Variants in TMEM132D observed in about 807,000 individuals in gnomAD.
The protein encoded by TMEM132D is transmembrane protein 132D.
A neutral mutation model predicts 62.3 loss-of-function variants in TMEM132D; 21 were observed. The ratio of observed to expected loss-of-function variants is 0.34; its 90% CI spans 0.24 to 0.49. The LOEUF is 0.49. Ranked by LOEUF, TMEM132D falls within the 20% of genes least tolerant of loss-of-function variation. The pLI is 0.99. For synonymous variants in TMEM132D, 621 were observed against 575.6 expected, an observed-to-expected ratio of 1.08 and a Z score of -1.13; for missense variants, 1,346 against 1,402.8, an observed-to-expected ratio of 0.96 and a Z score of 0.65.
chr12:129,230,281 C>A (rs1487104765), intron 4 of TMEM132D, among the ~76,000 whole-genome samples: 3 of 150,462 alleles, frequency 2.0e-5, no homozygotes, highest in Admixed American at 6.6e-5. Flanking sequence ...CCTAGCCATC[C>A]CCTTCCTAAA....
chr12:129,183,394 G>A (rs1449485240), intron 5 of TMEM132D, among the ~76,000 whole-genome samples: 3 of 152,190 alleles, frequency 2.0e-5, no homozygotes, highest in East Asian at 1.9e-4. Flanking sequence ...GCTCTCTGTG[G>A]CCGAAAGCCA....
intron 3 of TMEM132D, among the ~76,000 whole-genome samples, chr12:129,378,997 C>T (rs1870861225): frequency 6.6e-6 from 1 of 152,028 alleles, no homozygotes; most frequent in Non-Finnish European, 1.5e-5. Flanking sequence ...AGAGAGGCCT[C>T]CTGAGAATAT....
intron 2 of TMEM132D, among the ~76,000 whole-genome samples, chr12:129,683,609 A>G (rs1222254720): frequency 6.6e-6 from 1 of 152,170 alleles, no homozygotes; most frequent in Non-Finnish European, 1.5e-5. Flanking sequence ...CTGGGTGGAC[A>G]TTCCCATGAG....
intron 4 of TMEM132D, among the ~76,000 whole-genome samples, chr12:129,331,527 T>A (rs1240975392): frequency 1.3e-5 from 2 of 152,152 alleles, no homozygotes; most frequent in Non-Finnish European, 1.5e-5. Context: ...GAGAAGCTGG[T>A]CAAGAGACCC....
chr12:129,269,372 C>T (rs77316991), intron 4 of TMEM132D, among the ~76,000 whole-genome samples: 12 of 152,006 alleles, frequency 7.9e-5, no homozygotes, highest in South Asian at 4.2e-4. Context: ...TCCCTTCCTC[C>T]CTTCCCCTTT....
rs1308468932 is a variant in TMEM132D at position 129,356,359 on chromosome 12, G to A, written c.1116-18542C>T. On this transcript the variant is annotated intron_variant, in intron 3 of 8. Coordinates refer to ENST00000422113, the MANE Select transcript of TMEM132D (RefSeq NM_133448.3). ...TTTTTAGTAGAGACGGGGTTTCACC[G>A]TTTTAGCCGGGATGGTCTCGATCTC... Among the ~76,000 whole-genome samples the A allele has an allele frequency of 5.5e-4, 16 of 29,176 alleles. 4 individuals are homozygous for A. Among genetic ancestry groups the A allele is most frequent in the African/African-American group, 2.9e-3 (16 of 5,452 alleles). The allele number at this position is 29,176 out of a possible 152,430, so 19.1% of individuals were successfully genotyped here.
At position 129,460,340 on chromosome 12, in the gene TMEM132D, A is replaced by G. The variant is rs531368877; in HGVS notation, c.1115+70719T>C. Among the ~76,000 whole-genome samples the G allele has an allele frequency of 1.7e-3, 256 of 152,174 alleles. 1 individual carries two copies. Among genetic ancestry groups the G allele is most frequent in the African/African-American group, 5.8e-3 (242 of 41,516 alleles). ...TGCCACACATCTCCTCAATTTCTCC[A>G]CTGATTATTTCCAGGATTGGAGATT... On this transcript the variant is annotated intron_variant, in intron 3 of 8. Transcript: ENST00000422113.
intron 1 of TMEM132D, among the ~76,000 whole-genome samples, chr12:129,715,817 G>A (rs1226289651): frequency 6.6e-6 from 1 of 152,234 alleles, no homozygotes; most frequent in Non-Finnish European, 1.5e-5. Context: ...AGACGCTGGT[G>A]GCATCTTCAA....
chr12:129,554,163 C>A (rs1876985594), intron 2 of TMEM132D, among the ~76,000 whole-genome samples: 1 of 152,192 alleles, frequency 6.6e-6, no homozygotes, highest in Non-Finnish European at 1.5e-5. Context: ...ACGGCTCACA[C>A]TGCATCATCA....
chr12:129,266,281 T>A (rs1880692178), intron 4 of TMEM132D, among the ~76,000 whole-genome samples: 1 of 152,068 alleles, frequency 6.6e-6, no homozygotes, highest in African/African-American at 2.4e-5. Flanking sequence ...CTTGGCTCGC[T>A]CCTCCTCCTG....
chr12:129,774,592 C>G (rs1870859974), intron 1 of TMEM132D, among the ~76,000 whole-genome samples: 2 of 152,170 alleles, frequency 1.3e-5, no homozygotes, highest in African/African-American at 4.8e-5. Flanking sequence ...GGGGTAGAGA[C>G]TCCAAATATA....
At chr12:129,263,680 A>G (rs1566015738) in intron 4 of TMEM132D, among the ~76,000 whole-genome samples, 1 of 152,164 alleles carries the variant, frequency 6.6e-6, no homozygotes, top group East Asian at 1.9e-4. Flanking sequence ...TGCCATGAGC[A>G]GAGGAAGGCA....
In TMEM132D at chr12:129,278,462, A is replaced by T. The variant is rs140522704; in HGVS notation, c.1299+59172T>A. The stretch of plus-strand genomic sequence containing the variant: ...AAAGAAGCCACCATGATCTTATCTC[A>T]TGCCATGCACTCCAAGGCTCCATCT... On this transcript the variant is annotated intron_variant, in intron 4 of 8. Transcript: ENST00000422113. Among the ~76,000 whole-genome samples, 18 of 152,018 alleles carry T rather than the reference A, an allele frequency of 1.2e-4. 1 individual carries two copies. The highest frequency in any genetic ancestry group is 2.6e-4 in the Non-Finnish European group (18 of 67,950).
At chr12:129,224,424 C>T (rs1242595521) in intron 4 of TMEM132D, among the ~76,000 whole-genome samples, 1 of 152,148 alleles carries the variant, frequency 6.6e-6, no homozygotes, top group East Asian at 1.9e-4. Flanking sequence ...TTTCAAAATG[C>T]AGAAACGAAT....
Position 129,295,261 on chromosome 12 carries a change from G to A in TMEM132D, c.1299+42373C>T, listed in dbSNP as rs182559413. 3.8e-3 allele frequency among the ~76,000 whole-genome samples: 566 copies of A among 150,484 alleles called. 2 individuals carry two copies. Among genetic ancestry groups the A allele is most frequent in the African/African-American group, 0.013 (536 of 40,694 alleles). ...CACTACGGAACACTGCTGGCTAGAC[G>A]CTACGGAACACTGCCGGCTACACAC... On this transcript the variant is annotated intron_variant, in intron 4 of 8. Coordinates refer to ENST00000422113, the MANE Select transcript of TMEM132D (RefSeq NM_133448.3).
intron 1 of TMEM132D, among the ~76,000 whole-genome samples, chr12:129,799,742 G>C (rs1188602220): frequency 1.3e-5 from 2 of 152,154 alleles, no homozygotes; most frequent in Non-Finnish European, 2.9e-5. Flanking sequence ...GTACTGGGGA[G>C]TAGCAGGAAA....
intron 1 of TMEM132D, among the ~76,000 whole-genome samples, chr12:129,755,276 A>G (rs1371363514): frequency 6.6e-6 from 1 of 152,228 alleles, no homozygotes; most frequent in Non-Finnish European, 1.5e-5. Context: ...AGGTTTTTTG[A>G]GCCAGTCTTA....
At chr12:129,548,629 C>G (rs984407587) in intron 2 of TMEM132D, among the ~76,000 whole-genome samples, 7 of 152,150 alleles carry the variant, frequency 4.6e-5, no homozygotes, top group Non-Finnish European at 7.4e-5. Context: ...CACAGAAGAG[C>G]CTGCTGAAAC....
intron 2 of TMEM132D, among the ~76,000 whole-genome samples, chr12:129,675,958 G>T (rs1212189089): frequency 6.6e-6 from 1 of 152,202 alleles, no homozygotes; most frequent in African/African-American, 2.4e-5. Context: ...AACACACAGA[G>T]AATCTTCCGG....
Sources: gnomAD v4.1 joint callset for allele counts (sites outside exome capture counted in the v4.1 genomes callset) on GRCh38, gnomAD v4.1.1 for gene constraint, MANE v1.5 for transcripts, NCBI Gene and HGNC (gene_info 2026-07-23, HGNC 2026-07-21) for gene names.